Variants in NTNG1 observed in about 807,000 individuals in gnomAD.
The protein encoded by NTNG1 is netrin-G1.
NTNG1 carries 16 observed loss-of-function variants against 54.0 expected under a neutral mutation model. The ratio of observed to expected loss-of-function variants is 0.30; its 90% CI spans 0.20 to 0.45. The LOEUF (loss-of-function observed/expected upper bound fraction) is 0.45. NTNG1 is among the 20% of genes least tolerant of loss of function. The pLI is 1.00. For synonymous variants in NTNG1, 255 were observed against 263.1 expected (o/e 0.97, Z 0.30); for missense variants, 530 against 678.7 (o/e 0.78, Z 2.43).
chr1:107,378,086 T>C (rs180883976), intron 3 of NTNG1, among the ~76,000 whole-genome samples: 22 of 152,328 alleles, frequency 1.4e-4, no homozygotes, highest in Admixed American at 1.1e-3. Context: ...TGTAAGTGCT[T>C]ATATTTAGAA....
chr1:107,228,948 T>C lies in NTNG1; in HGVS notation c.246+80109T>C, dbSNP rs574224423. Among the ~76,000 whole-genome samples, 9 of 152,280 alleles carry C rather than the reference T, an allele frequency of 5.9e-5. No individual in the cohort carries two copies. The South Asian group carries it at 1.9e-3, about 32-fold the overall frequency. On this transcript the variant is annotated intron_variant, in intron 2 of 7. Coordinates refer to ENST00000370068, the MANE Select transcript of NTNG1 (RefSeq NM_001113226.3). The stretch of plus-strand genomic sequence containing the variant: ...TTTCTATTGAACTAATCATGGTTAA[T>C]GTCATCAGAATAACTTCTCAGTGAA...
At chr1:107,281,026 C>T (rs1239262143) in intron 2 of NTNG1, among the ~76,000 whole-genome samples, 2 of 152,076 alleles carry the variant, frequency 1.3e-5, no homozygotes, top group African/African-American at 2.4e-5. Flanking sequence ...CTCACCCTTA[C>T]TCTCATGTAA....
At chr1:107,432,457 G>A (rs1675329473) in intron 6 of NTNG1, among the ~76,000 whole-genome samples, 1 of 152,130 alleles carries the variant, frequency 6.6e-6, no homozygotes, top group Non-Finnish European at 1.5e-5. Flanking sequence ...TTTACTTATG[G>A]TATGTGTTTT....
intron 7 of NTNG1, among the ~76,000 whole-genome samples, chr1:107,437,131 A>G (rs1297304931): frequency 2.0e-5 from 3 of 152,162 alleles, no homozygotes; most frequent in Non-Finnish European, 4.4e-5. Flanking sequence ...GGTGATGTGC[A>G]TGTGATTAAT....
intron 2 of NTNG1, among the ~76,000 whole-genome samples, chr1:107,306,429 C>G (rs1666700591): frequency 6.6e-6 from 1 of 152,124 alleles, no homozygotes; most frequent in Non-Finnish European, 1.5e-5. Context: ...TGGGACAACA[C>G]AGGGCTGAAC....
chr1:107,207,323 A>C lies in NTNG1; in HGVS notation c.246+58484A>C, dbSNP rs548786793. ...TATTTTCCTCCCATAACTGTGAAAA[A>C]CTCCTCTGTGGAATCAGGTACTTTA... On this transcript the variant is annotated intron_variant, in intron 2 of 7. Transcript: ENST00000370068. Among the ~76,000 whole-genome samples, 22 of 152,044 alleles carry C rather than the reference A, an allele frequency of 1.4e-4. No individual in the cohort carries two copies. In the South Asian group the frequency reaches 4.6e-3, roughly 32 times the overall value.
rs539169476 is a variant in NTNG1 at position 107,330,215 on chromosome 1, G to A, written c.887+5293G>A. On this transcript the variant is annotated intron_variant, in intron 3 of 7. Coordinates refer to ENST00000370068, the MANE Select transcript of NTNG1 (RefSeq NM_001113226.3). ...TCTTCCCTTTATGGGTCTTCAGCAT[G>A]TTCAGGAAGCTCTGAAGGATTCCTA... 1.3e-3 allele frequency among the ~76,000 whole-genome samples: 194 copies of A among 152,214 alleles called. 1 individual carries two copies. The highest frequency in any genetic ancestry group is 4.5e-3 in the African/African-American group (189 of 41,564).
In NTNG1 at chr1:107,430,840, G is replaced by C. The variant is rs776150484; in HGVS notation, c.1178G>C (p.Gly393Ala). 1 of 1,613,250 alleles carries C rather than the reference G, an allele frequency of 6.2e-7. No individual in the cohort carries two copies. The highest frequency in any genetic ancestry group is 8.5e-7 in the Non-Finnish European group (1 of 1,179,622). Residue 393 changes from glycine to alanine, a missense_variant, in exon 6 of 8, where the codon GGG (glycine) becomes GCG (alanine). Gly to Ala is a moderately conservative substitution (Grantham distance 60). Transcript: ENST00000370068. Reference sequence around the variant, plus strand: ...GTGAGCTGTAAACACAACACTAGAGGGCAGCACTGTGAGTTATGCAGGCTG... The same window carrying C: ...GTGAGCTGTAAACACAACACTAGAGCGCAGCACTGTGAGTTATGCAGGCTG... Reference protein sequence around the residue: ...ICVSCKHNTRGQHCELCRLGY... With the variant: ...ICVSCKHNTRAQHCELCRLGY...
At chr1:107,310,485 G>A (rs928906581) in intron 2 of NTNG1, among the ~76,000 whole-genome samples, 4 of 152,072 alleles carry the variant, frequency 2.6e-5, no homozygotes, top group Non-Finnish European at 5.9e-5. Context: ...TGGTGGATCT[G>A]ATAGATCAAC....
intron 2 of NTNG1, among the ~76,000 whole-genome samples, chr1:107,311,856 C>T (rs1482617817): frequency 6.6e-6 from 1 of 152,156 alleles, no homozygotes; most frequent in African/African-American, 2.4e-5. Context: ...TATATACACA[C>T]TCATAGGCTG....
At chr1:107,356,336 C>T (rs1669928779) in intron 3 of NTNG1, among the ~76,000 whole-genome samples, 1 of 152,106 alleles carries the variant, frequency 6.6e-6, no homozygotes. Context: ...CTCTGTCACC[C>T]AGCCTGGAGT....
intron 3 of NTNG1, among the ~76,000 whole-genome samples, chr1:107,361,143 T>G (rs992368538): frequency 1.4e-5 from 2 of 145,376 alleles, no homozygotes; most frequent in Admixed American, 1.4e-4. Flanking sequence ...TTATATTATA[T>G]ATTATATATT....
intron 2 of NTNG1, among the ~76,000 whole-genome samples, chr1:107,250,643 C>G (rs1662534876): frequency 6.6e-6 from 1 of 152,122 alleles, no homozygotes; most frequent in South Asian, 2.1e-4. Context: ...AGAAGCTGAG[C>G]TGTAATACCT....
intron 2 of NTNG1, among the ~76,000 whole-genome samples, chr1:107,183,295 C>T (rs946850471): frequency 6.6e-5 from 10 of 152,090 alleles, no homozygotes; most frequent in African/African-American, 1.4e-4. Context: ...CTTTGGCATC[C>T]CCATAAGGAA....
chr1:107,378,640 A>G (rs1231360817), intron 3 of NTNG1, among the ~76,000 whole-genome samples: 1 of 152,130 alleles, frequency 6.6e-6, no homozygotes, highest in East Asian at 1.9e-4. Flanking sequence ...GGCTCAGGAG[A>G]AGAATGTCGA....
At chr1:107,332,728 T>C (rs1668355572) in intron 3 of NTNG1, among the ~76,000 whole-genome samples, 1 of 152,086 alleles carries the variant, frequency 6.6e-6, no homozygotes, top group African/African-American at 2.4e-5. Flanking sequence ...TTTATCACAG[T>C]AATTTGATTG....
intron 2 of NTNG1, among the ~76,000 whole-genome samples, chr1:107,319,097 A>G (rs1000683736): frequency 5.3e-5 from 8 of 152,070 alleles, no homozygotes; most frequent in African/African-American, 7.2e-5. Context: ...CCTCTCCCCA[A>G]TGCCAGTAAC....
intron 2 of NTNG1, among the ~76,000 whole-genome samples, chr1:107,258,698 C>A (rs1459564757): frequency 6.6e-6 from 1 of 152,178 alleles, no homozygotes; most frequent in Admixed American, 6.5e-5. Flanking sequence ...AGGATTTGAA[C>A]TCAGGGTCCA....
intron 2 of NTNG1, among the ~76,000 whole-genome samples, chr1:107,209,625 A>G (rs1659467036): frequency 6.6e-6 from 1 of 152,212 alleles, no homozygotes; most frequent in Admixed American, 6.5e-5. Context: ...TAATAGGTCC[A>G]GGGATAGACA....
Sources: gnomAD v4.1 joint callset for allele counts (sites outside exome capture counted in the v4.1 genomes callset) on GRCh38, gnomAD v4.1.1 for gene constraint, MANE v1.5 for transcripts, NCBI Gene and HGNC (gene_info 2026-07-23, HGNC 2026-07-21) for gene names.